The following XRCC4 variants were observed in gnomAD, a reference collection of about 807,000 sequenced individuals.
XRCC4 encodes X-ray repair cross complementing 4.
XRCC4 carries 28 observed loss-of-function variants against 39.1 expected under a neutral mutation model. The ratio of observed to expected loss-of-function variants is 0.72; its 90% CI spans 0.53 to 0.98. The LOEUF (loss-of-function observed/expected upper bound fraction) is 0.98. Ranked by LOEUF, XRCC4 falls within the 50% of genes least tolerant of loss-of-function variation. XRCC4 has a pLI of 0.00. For synonymous variants in XRCC4, 123 were observed against 126.4 expected (o/e 0.97, Z 0.18); for missense variants, 350 against 376.4 (o/e 0.93, Z 0.58).
rs779473508 is a variant in XRCC4 at position 83,105,024 on chromosome 5, A to G, written c.105A>G (p.Thr35=). The G allele has an allele frequency of 6.2e-7, 1 of 1,613,518 alleles. No individual in the cohort carries two copies. Among genetic ancestry groups the G allele is most frequent in the Non-Finnish European group, 8.5e-7 (1 of 1,179,736 alleles). ...CACTGGAATCTGGTTTTGTTATTACACTTACTGATGGTCATTCAGCATGGA... is the reference window on the plus strand; with the variant it reads ...CACTGGAATCTGGTTTTGTTATTACGCTTACTGATGGTCATTCAGCATGGA... The part of the protein sequence containing the change: ...EKTLESGFVI[T]LTDGHSAWTG... The change falls in exon 2 of 8, where the codon ACA becomes ACG. Residue 35 remains threonine (T), a synonymous_variant. Transcript: ENST00000396027.
intron 6 of XRCC4, among the ~76,000 whole-genome samples, chr5:83,251,073 G>A (rs977913263): frequency 6.6e-6 from 1 of 152,124 alleles, no homozygotes; most frequent in African/African-American, 2.4e-5. Flanking sequence ...GAGTTCCAGA[G>A]TTTTCAAGGA....
chr5:83,244,919 A>C (rs1753045697), intron 6 of XRCC4, among the ~76,000 whole-genome samples: 1 of 152,222 alleles, frequency 6.6e-6, no homozygotes, highest in African/African-American at 2.4e-5. Context: ...CTTCTTAGAA[A>C]TTGGTTTTTG....
chr5:83,134,674 C>T (rs2112494885), intron 3 of XRCC4, among the ~76,000 whole-genome samples: 1 of 152,306 alleles, frequency 6.6e-6, no homozygotes, highest in South Asian at 2.1e-4. Context: ...CCTGAGCCAG[C>T]AGCAGCAACT....
chr5:83,330,656 G>T (rs560335013), intron 7 of XRCC4, among the ~76,000 whole-genome samples: 2 of 151,980 alleles, frequency 1.3e-5, no homozygotes, highest in African/African-American at 4.8e-5. Context: ...TTCTTAGGTG[G>T]TAGCTTTGCA....
intron 6 of XRCC4, among the ~76,000 whole-genome samples, chr5:83,251,523 C>CAAA (rs60359773): frequency 2.1e-4 from 15 of 69,848 alleles, no homozygotes; most frequent in East Asian, 1.2e-3. Context: ...GACTCCGTCT[C>CAAA]AAAAAAAAAA....
the XRCC4 span, among the ~76,000 whole-genome samples, chr5:83,361,261 A>T: frequency 6.6e-6 from 1 of 152,214 alleles, no homozygotes. Context: ...ATGTATAACC[A>T]GATTATCCAC....
At chr5:83,314,827 C>T (rs1429818996) in intron 7 of XRCC4, among the ~76,000 whole-genome samples, 4 of 152,088 alleles carry the variant, frequency 2.6e-5, no homozygotes, top group Admixed American at 2.6e-4. Flanking sequence ...GCTGTCTGCT[C>T]ATGTCCCTCC....
intron 7 of XRCC4, among the ~76,000 whole-genome samples, chr5:83,293,853 G>A (rs1176808038): frequency 6.6e-6 from 1 of 151,896 alleles, no homozygotes; most frequent in African/African-American, 2.4e-5. Flanking sequence ...AGCAATTCTG[G>A]TTTTGAACAG....
chr5:83,117,673 G>A (rs879508568), intron 3 of XRCC4, among the ~76,000 whole-genome samples: 10 of 132,664 alleles, frequency 7.5e-5, no homozygotes, highest in Non-Finnish European at 7.8e-5. Flanking sequence ...GTGTGTGTGT[G>A]TATGTATGTA....
intron 3 of XRCC4, among the ~76,000 whole-genome samples, chr5:83,147,980 G>A (rs145163473): frequency 0.015 from 2,353 of 151,886 alleles, 58 homozygotes; most frequent in African/African-American, 0.053. Flanking sequence ...TAGAGATGGG[G>A]TTTCACCATG....
chr5:83,269,947 A>G (rs991958762), intron 7 of XRCC4, among the ~76,000 whole-genome samples: 1 of 152,168 alleles, frequency 6.6e-6, no homozygotes, highest in Admixed American at 6.5e-5. Context: ...ACATTGTAAT[A>G]TATAATGAAA....
intron 2 of XRCC4, among the ~76,000 whole-genome samples, chr5:83,105,487 A>G (rs1478483): frequency 0.92 from 139,440 of 152,218 alleles, 64,045 homozygotes; most frequent in African/African-American, 0.98. Flanking sequence ...CAGTGAACAT[A>G]TATTACATTT....
intron 1 of XRCC4, among the ~76,000 whole-genome samples, chr5:83,090,851 A>G (rs1745394907): frequency 3.3e-5 from 5 of 152,296 alleles, no homozygotes; most frequent in Admixed American, 3.3e-4. Context: ...ATAATATCAC[A>G]CACACTCATT....
rs1474862796 is a variant in XRCC4 at position 83,134,107 on chromosome 5, C to A, written c.315+22904C>A. Among the ~76,000 whole-genome samples the A allele has an allele frequency of 2.0e-5, 3 of 152,214 alleles. No homozygotes were observed. The East Asian group carries it at 5.8e-4, about 29-fold the overall frequency. On this transcript the variant is annotated intron_variant, in intron 3 of 7. Coordinates refer to ENST00000396027, the MANE Select transcript of XRCC4 (RefSeq NM_003401.5). ...AATCCCATGCTTGGACCGCTGTTCC[C>A]TATTCGTGGAATCATTGACCATGAT... is the stretch of plus-strand genomic sequence containing the variant.
intron 6 of XRCC4, among the ~76,000 whole-genome samples, chr5:83,244,804 A>C (rs955034972): frequency 1.3e-5 from 2 of 152,168 alleles, no homozygotes; most frequent in African/African-American, 4.8e-5. Flanking sequence ...TTCTTTCAGG[A>C]AGCACAGGCC....
At chr5:83,129,101 G>A (rs981973569) in intron 3 of XRCC4, among the ~76,000 whole-genome samples, 4 of 151,792 alleles carry the variant, frequency 2.6e-5, no homozygotes, top group African/African-American at 4.8e-5. Context: ...GGGTTTTTAT[G>A]GTTTTAGGTC....
intron 6 of XRCC4, among the ~76,000 whole-genome samples, chr5:83,213,680 G>A (rs1341364113): frequency 6.6e-6 from 1 of 152,050 alleles, no homozygotes; most frequent in Non-Finnish European, 1.5e-5. Context: ...TCAGAAAATA[G>A]AGGAGGAGCG....
Position 83,104,962 on chromosome 5 carries a change from A to G in XRCC4, c.43A>G (p.Ser15Gly). The G allele has an allele frequency of 6.2e-7, 1 of 1,613,662 alleles. No individual in the cohort carries two copies. The highest frequency in any genetic ancestry group is 8.5e-7 in the Non-Finnish European group (1 of 1,179,750). ...CAGAATCCACCTTGTTTCTGAACCC[A>G]GTATAACTCATTTTCTACAAGTATC... ...ISRIHLVSEP[S>G]ITHFLQVSWE... The change falls in exon 2 of 8, where the codon AGT (serine) becomes GGT (glycine). Residue 15 changes from serine (S) to glycine (G), a missense_variant. Coordinates refer to ENST00000396027, the MANE Select transcript of XRCC4 (RefSeq NM_003401.5).
intron 7 of XRCC4, chr5:83,280,254 T>G: frequency 2.9e-6 from 1 of 342,482 alleles, no homozygotes; most frequent in Non-Finnish European, 5.7e-6. Context: ...CAATTTCTAA[T>G]TGTGTTTTAC....
Sources: allele counts gnomAD v4.1 joint callset (sites outside exome capture counted in the v4.1 genomes callset), GRCh38; gene constraint gnomAD v4.1.1; transcripts MANE v1.5; gene names NCBI Gene and HGNC (gene_info 2026-07-23, HGNC 2026-07-21).